Variants in PTPRD observed in about 807,000 individuals in gnomAD.
The protein encoded by PTPRD is receptor-type tyrosine-protein phosphatase delta.
PTPRD carries 34 observed loss-of-function variants against 214.5 expected under a neutral mutation model. The ratio of observed to expected loss-of-function variants is 0.16; its 90% CI spans 0.12 to 0.21. The LOEUF (loss-of-function observed/expected upper bound fraction) is 0.21. PTPRD is among the 10% of genes least tolerant of loss of function. PTPRD has a pLI of 1.00. For missense variants in PTPRD, 2,545 were observed against 2,398.7 expected, an observed-to-expected ratio of 1.06 and a Z score of -1.27; for synonymous variants, 1,128 against 845.7, an observed-to-expected ratio of 1.33 and a Z score of -5.79.
At chr9:8,883,401 C>A (rs2098462408) in intron 11 of PTPRD, among the ~76,000 whole-genome samples, 1 of 152,212 alleles carries the variant, frequency 6.6e-6, no homozygotes, top group Admixed American at 6.5e-5. Context: ...CTTAAGCCAG[C>A]AGCTGTTCTC....
chr9:9,402,449 C>T (rs1032224378), intron 8 of PTPRD, among the ~76,000 whole-genome samples: 6 of 152,054 alleles, frequency 3.9e-5, no homozygotes, highest in Non-Finnish European at 7.4e-5. Context: ...AAAATTTCTT[C>T]CTGTGTTGTT....
chr9:10,047,645 T>A (rs2097431358), intron 3 of PTPRD, among the ~76,000 whole-genome samples: 1 of 152,112 alleles, frequency 6.6e-6, no homozygotes, highest in South Asian at 2.1e-4. Flanking sequence ...TATAACTATG[T>A]AAACATTGAA....
At chr9:9,251,298 C>T (rs1024723820) in intron 9 of PTPRD, among the ~76,000 whole-genome samples, 1 of 152,024 alleles carries the variant, frequency 6.6e-6, no homozygotes, top group Non-Finnish European at 1.5e-5. Flanking sequence ...CAACATTTCT[C>T]CATTATGAAC....
Position 10,145,038 on chromosome 9 carries a change from G to A in PTPRD, c.-544-111248C>T, listed in dbSNP as rs192745719. Among the ~76,000 whole-genome samples, 1,125 of 151,860 alleles carry A rather than the reference G, an allele frequency of 7.4e-3. 14 individuals carry two copies. Among genetic ancestry groups the A allele is most frequent in the African/African-American group, 0.026 (1,069 of 41,414 alleles). On this transcript the variant is annotated intron_variant, in intron 3 of 45. Coordinates refer to ENST00000381196, the MANE Select transcript of PTPRD (RefSeq NM_002839.4). Reference sequence around the variant, plus strand: ...AAAAAAATATGAAAATAAACACACCGATTTTTCAAAAAATTAATTTTTATA... The same window carrying A: ...AAAAAAATATGAAAATAAACACACCAATTTTTCAAAAAATTAATTTTTATA...
intron 11 of PTPRD, among the ~76,000 whole-genome samples, chr9:8,947,139 A>C (rs1396144668): frequency 6.7e-6 from 1 of 149,190 alleles, no homozygotes; most frequent in East Asian, 2.0e-4. Flanking sequence ...CTCTTTCCTA[A>C]TTTCAATGCA....
At chr9:10,165,472 G>A (rs1265782479) in intron 3 of PTPRD, among the ~76,000 whole-genome samples, 2 of 151,694 alleles carry the variant, frequency 1.3e-5, no homozygotes, top group African/African-American at 4.8e-5. Flanking sequence ...AGTGTCAAAC[G>A]TAGAAAAAAT....
chr9:10,492,225 C>A (rs2040522198), intron 2 of PTPRD, among the ~76,000 whole-genome samples: 1 of 152,078 alleles, frequency 6.6e-6, no homozygotes, highest in African/African-American at 2.4e-5. Context: ...TGGGTATATA[C>A]CCAGTAATGG....
At chr9:9,062,721 A>T (rs778896945) in intron 10 of PTPRD, among the ~76,000 whole-genome samples, 6 of 152,150 alleles carry the variant, frequency 3.9e-5, no homozygotes, top group Non-Finnish European at 7.4e-5. Context: ...ACACTTTAAA[A>T]CATCATGTTA....
At chr9:8,629,415 A>G (rs533955179) in intron 14 of PTPRD, among the ~76,000 whole-genome samples, 1 of 151,948 alleles carries the variant, frequency 6.6e-6, no homozygotes, top group Non-Finnish European at 1.5e-5. Context: ...TTTCCTGCTG[A>G]TATCTTTAGT....
chr9:9,189,755 G>T (rs1368938744), intron 9 of PTPRD, among the ~76,000 whole-genome samples: 1 of 151,894 alleles, frequency 6.6e-6, no homozygotes, highest in Non-Finnish European at 1.5e-5. Context: ...ATCAAAATCT[G>T]GCTCTTTATT....
chr9:8,786,259 C>G (rs1365983041), intron 11 of PTPRD, among the ~76,000 whole-genome samples: 1 of 152,082 alleles, frequency 6.6e-6, no homozygotes, highest in Admixed American at 6.6e-5. Flanking sequence ...ACAGTCAACA[C>G]TGAAATTGTT....
intron 8 of PTPRD, among the ~76,000 whole-genome samples, chr9:9,423,461 T>G (rs2142724592): frequency 6.6e-6 from 1 of 152,300 alleles, no homozygotes; most frequent in Non-Finnish European, 1.5e-5. Flanking sequence ...TAAATTCCTG[T>G]TGTTAAAGCT....
At chr9:9,492,300 G>A (rs1413193269) in intron 8 of PTPRD, among the ~76,000 whole-genome samples, 1 of 146,636 alleles carries the variant, frequency 6.8e-6, no homozygotes, top group Non-Finnish European at 1.5e-5. Context: ...TGGACCTGAT[G>A]GACTCACTAG....
At chr9:10,266,834 G>C (rs539625455) in intron 3 of PTPRD, among the ~76,000 whole-genome samples, 6 of 152,100 alleles carry the variant, frequency 3.9e-5, no homozygotes, top group African/African-American at 1.4e-4. Flanking sequence ...GAACATTCTG[G>C]AAGTTGTCAA....
At chr9:9,889,811 G>T (rs942784335) in intron 5 of PTPRD, among the ~76,000 whole-genome samples, 6 of 142,900 alleles carry the variant, frequency 4.2e-5, no homozygotes, top group Non-Finnish European at 8.9e-5. Context: ...GTGTGTGTGT[G>T]TATGTGTGTG....
intron 9 of PTPRD, among the ~76,000 whole-genome samples, chr9:9,302,756 T>G (rs887881749): frequency 6.6e-6 from 1 of 151,860 alleles, no homozygotes; most frequent in African/African-American, 2.4e-5. Context: ...CCATAATTCC[T>G]CATAGCAGTT....
chr9:9,162,564 G>T (rs924826617), intron 10 of PTPRD, among the ~76,000 whole-genome samples: 1 of 151,934 alleles, frequency 6.6e-6, no homozygotes, highest in Admixed American at 6.6e-5. Flanking sequence ...TTCCCCGCTG[G>T]ATTCCTTAGA....
intron 3 of PTPRD, among the ~76,000 whole-genome samples, chr9:10,163,996 A>G (rs577948965): frequency 3.4e-4 from 52 of 151,400 alleles, no homozygotes; most frequent in Non-Finnish European, 7.3e-4. Context: ...TATTTTTAAC[A>G]CACACACCTA....
intron 8 of PTPRD, among the ~76,000 whole-genome samples, chr9:9,547,865 A>T (rs984645664): frequency 6.6e-6 from 1 of 151,576 alleles, no homozygotes; most frequent in African/African-American, 2.4e-5. Flanking sequence ...AAATTGCTAA[A>T]AATGAAACAT....
Sources: gnomAD v4.1 joint callset for allele counts (sites outside exome capture counted in the v4.1 genomes callset) on GRCh38, gnomAD v4.1.1 for gene constraint, MANE v1.5 for transcripts, NCBI Gene and HGNC (gene_info 2026-07-23, HGNC 2026-07-21) for gene names.